The following NAPB variants were observed in gnomAD, a reference collection of about 807,000 sequenced individuals.
The protein encoded by NAPB is beta-soluble NSF attachment protein.
NAPB carries 26 observed loss-of-function variants against 44.7 expected under a neutral mutation model. The ratio of observed to expected loss-of-function variants is 0.58; its 90% CI spans 0.43 to 0.81. NAPB has a LOEUF of 0.81. Ranked by LOEUF, NAPB falls within the 30% of genes least tolerant of loss-of-function variation. The pLI, the probability that NAPB is intolerant of heterozygous loss-of-function variation, is 0.00. For synonymous variants in NAPB, 120 were observed against 116.8 expected (o/e 1.03, Z -0.18); for missense variants, 315 against 356.4 (o/e 0.88, Z 0.94).
chr20:23,403,745 T>C (rs1358769330), intron 1 of NAPB, among the ~76,000 whole-genome samples: 3 of 152,172 alleles, frequency 2.0e-5, no homozygotes, highest in Non-Finnish European at 4.4e-5. Flanking sequence ...GTCTGAGTAG[T>C]TAAAAGTACG....
chr20:23,393,108 G>C (rs1984092159), intron 5 of NAPB, among the ~76,000 whole-genome samples: 1 of 152,030 alleles, frequency 6.6e-6, no homozygotes, highest in Admixed American at 6.6e-5. Context: ...AAATACCCCA[G>C]CCACACCAGA....
intron 10 of NAPB, 64 bp from the exon 11 acceptor site, chr20:23,377,550 GTACCCCAAGCTGTTTA>G: frequency 9.8e-7 from 1 of 1,025,310 alleles, no homozygotes; most frequent in Non-Finnish European, 1.4e-6. Flanking sequence ...CAAAATAATA[GTACCCCAAGCTGTTTA>G]TACCTTTACA....
At chr20:23,391,379 A>G (rs1983946983) in intron 5 of NAPB, among the ~76,000 whole-genome samples, 1 of 152,188 alleles carries the variant, frequency 6.6e-6, no homozygotes, top group Non-Finnish European at 1.5e-5. Context: ...GGCTGAGAAG[A>G]GTCAGATGAT....
At chr20:23,378,438 ATTAT>A (rs945735092) in intron 10 of NAPB, among the ~76,000 whole-genome samples, 2 of 149,290 alleles carry the variant, frequency 1.3e-5, no homozygotes, top group Non-Finnish European at 3.0e-5. Flanking sequence ...ATATATATTT[ATTAT>A]TTATTTATTT....
intron 1 of NAPB, 34 bp downstream of exon 1, chr20:23,421,271 C>T: frequency 1.5e-6 from 1 of 668,084 alleles, no homozygotes. Context: ...ACGGAGACCC[C>T]CCCCCCCCAG....
At chr20:23,392,957 G>A (rs1568609801) in intron 5 of NAPB, among the ~76,000 whole-genome samples, 1 of 152,198 alleles carries the variant, frequency 6.6e-6, no homozygotes, top group Non-Finnish European at 1.5e-5. Context: ...GCCCCAGAGT[G>A]CCCTTCTGAC....
intron 10 of NAPB, among the ~76,000 whole-genome samples, chr20:23,378,148 C>CA (rs1234152079): frequency 1.9e-5 from 2 of 104,252 alleles, no homozygotes; most frequent in Admixed American, 1.0e-4. Flanking sequence ...CTTGTCTCAA[C>CA]AAAAAATGCA....
intron 1 of NAPB, among the ~76,000 whole-genome samples, chr20:23,410,350 CTG>C (rs1985567446): frequency 6.6e-6 from 1 of 152,204 alleles, no homozygotes; most frequent in Non-Finnish European, 1.5e-5. Flanking sequence ...CCAAGAAACT[CTG>C]TGACTCTCTA....
chr20:23,412,061 A>G (rs1437210998), intron 1 of NAPB, among the ~76,000 whole-genome samples: 2 of 152,220 alleles, frequency 1.3e-5, no homozygotes, highest in African/African-American at 2.4e-5. Flanking sequence ...GAACTGTCAT[A>G]ACAGCAAATA....
intron 1 of NAPB, among the ~76,000 whole-genome samples, chr20:23,407,229 G>A (rs773958900): frequency 4.6e-5 from 7 of 152,016 alleles, no homozygotes; most frequent in East Asian, 1.9e-4. Flanking sequence ...AAATTACACC[G>A]GATGCTTATT....
chr20:23,400,606 T>C (rs1336047936), intron 2 of NAPB, among the ~76,000 whole-genome samples: 1 of 152,040 alleles, frequency 6.6e-6, no homozygotes, highest in African/African-American at 2.4e-5. Context: ...AGGCTAAATT[T>C]CCTCACCCGC....
At chr20:23,386,599 C>A (rs1383579994) in intron 7 of NAPB, among the ~76,000 whole-genome samples, 1 of 152,190 alleles carries the variant, frequency 6.6e-6, no homozygotes, top group Admixed American at 6.5e-5. Flanking sequence ...CAAGGGTGGT[C>A]AACATCTATG....
chr20:23,396,975 G>A, intron 3 of NAPB, 97 bp downstream of exon 3: 5 of 1,236,812 alleles, frequency 4.0e-6, no homozygotes, highest in Non-Finnish European at 5.4e-6. Flanking sequence ...TTTTTACCAG[G>A]ACTTGAAAGC....
chr20:23,404,028 C>T (rs1985056868), intron 1 of NAPB, among the ~76,000 whole-genome samples: 1 of 152,172 alleles, frequency 6.6e-6, no homozygotes, highest in African/African-American at 2.4e-5. Flanking sequence ...GTTGCTTGGA[C>T]ATATACAGTT....
Position 23,421,409 on chromosome 20 carries a change from C to G in NAPB, c.-7G>C. 1 of 1,542,290 alleles carries G rather than the reference C, an allele frequency of 6.5e-7. No homozygotes were observed. Among genetic ancestry groups the G allele is most frequent in the Non-Finnish European group, 8.7e-7 (1 of 1,144,002 alleles). On this transcript the variant is annotated 5_prime_UTR_variant, in exon 1 of 11. Coordinates refer to ENST00000377026, the MANE Select transcript of NAPB (RefSeq NM_022080.3). ...CCTTCCCCGCGTTGTCCATGTCGCC[C>G]GCCGCGGCCGCCACAGCCCCCTCAG...
intron 3 of NAPB, among the ~76,000 whole-genome samples, chr20:23,395,681 C>G (rs764929931): frequency 6.6e-6 from 1 of 152,076 alleles, no homozygotes; most frequent in Non-Finnish European, 1.5e-5. Flanking sequence ...TTCAAACAAC[C>G]CTTAAGCAAA....
chr20:23,418,829 C>A (rs1019717876), intron 1 of NAPB, among the ~76,000 whole-genome samples: 4 of 151,462 alleles, frequency 2.6e-5, no homozygotes, highest in Non-Finnish European at 5.9e-5. Context: ...TGGCTGTAAT[C>A]CCAGCTACTC....
At chr20:23,408,008 C>A (rs1391178808) in intron 1 of NAPB, among the ~76,000 whole-genome samples, 1 of 152,078 alleles carries the variant, frequency 6.6e-6, no homozygotes, top group Non-Finnish European at 1.5e-5. Context: ...ATGAGATGTA[C>A]CTCAAAGAAA....
chr20:23,396,590 T>G (rs1186936348), intron 3 of NAPB: 2 of 152,218 alleles, frequency 1.3e-5, no homozygotes, highest in Non-Finnish European at 2.9e-5. Flanking sequence ...ACAAATACTT[T>G]GAAAAACTTT....
Sources: allele counts gnomAD v4.1 joint callset (sites outside exome capture counted in the v4.1 genomes callset), GRCh38; gene constraint gnomAD v4.1.1; transcripts MANE v1.5; gene names NCBI Gene and HGNC (gene_info 2026-07-23, HGNC 2026-07-21).